RBL2: variants seen among roughly 807,000 people sequenced by gnomAD.
RBL2 encodes the protein RB transcriptional corepressor like 2.
A neutral mutation model predicts 126.0 loss-of-function variants in RBL2; 56 were observed. That is an observed-to-expected ratio of 0.44 (90% CI 0.36 to 0.56). The LOEUF is 0.56. RBL2 is among the 20% of genes least tolerant of loss of function. The pLI is 0.00. For synonymous variants in RBL2, 454 were observed against 478.5 expected, an observed-to-expected ratio of 0.95 and a Z score of 0.67; for missense variants, 1,229 against 1,398.2, an observed-to-expected ratio of 0.88 and a Z score of 1.93.
intron 5 of RBL2, among the ~76,000 whole-genome samples, chr16:53,452,899 G>A (rs914313923): frequency 2.0e-5 from 3 of 152,018 alleles, no homozygotes; most frequent in African/African-American, 7.2e-5. Context: ...CAAACTCCTG[G>A]ACTCAAGCGA....
At chr16:53,450,096 A>G (rs545310183) in intron 4 of RBL2, among the ~76,000 whole-genome samples, 4 of 151,946 alleles carry the variant, frequency 2.6e-5, no homozygotes, top group African/African-American at 9.6e-5. Flanking sequence ...AACCAAGTAT[A>G]TTTTAATATT....
intron 20 of RBL2, 193 bp from the exon 21 acceptor site, chr16:53,481,475 AAAT>A (rs1960943288): frequency 1.9e-6 from 1 of 522,978 alleles, no homozygotes; most frequent in Non-Finnish European, 3.3e-6. Flanking sequence ...AAATTGCTTA[AAAT>A]AATAACTGGC....
At chr16:53,443,988 C>T (rs1004573613) in intron 3 of RBL2, among the ~76,000 whole-genome samples, 1 of 152,198 alleles carries the variant, frequency 6.6e-6, no homozygotes, top group African/African-American at 2.4e-5. Flanking sequence ...TTGGCTCACG[C>T]CTGTAATCCC....
At chr16:53,451,949 C>T in intron 5 of RBL2, 118 bp downstream of exon 5, 1 of 1,159,950 alleles carries the variant, frequency 8.6e-7, no homozygotes, top group Non-Finnish European at 1.2e-6. Flanking sequence ...TTACGGCTAT[C>T]CAGGGTACTT....
intron 14 of RBL2, among the ~76,000 whole-genome samples, chr16:53,468,166 G>C (rs1598115360): frequency 6.6e-6 from 1 of 152,178 alleles, no homozygotes; most frequent in Non-Finnish European, 1.5e-5. Context: ...CCAATTAAAA[G>C]AATATTCTTA....
At chr16:53,442,419 C>T (rs1319259778) in intron 2 of RBL2, among the ~76,000 whole-genome samples, 3 of 152,122 alleles carry the variant, frequency 2.0e-5, no homozygotes, top group Admixed American at 2.0e-4. Context: ...TTTGTATTTT[C>T]AAATATTTCA....
chr16:53,451,061 G>A (rs1334018542), intron 4 of RBL2, among the ~76,000 whole-genome samples: 8 of 152,132 alleles, frequency 5.3e-5, no homozygotes, highest in Non-Finnish European at 2.9e-5. Flanking sequence ...CTTACAGTTT[G>A]AGATAATTTA....
chr16:53,438,345 G>T (rs762863662), intron 1 of RBL2, among the ~76,000 whole-genome samples: 23 of 152,176 alleles, frequency 1.5e-4, no homozygotes, highest in Non-Finnish European at 2.5e-4. Flanking sequence ...TCAGGACTCC[G>T]AAGGCACATG....
At chr16:53,444,439 G>A (rs975772253) in intron 3 of RBL2, among the ~76,000 whole-genome samples, 2 of 151,912 alleles carry the variant, frequency 1.3e-5, no homozygotes, top group Non-Finnish European at 2.9e-5. Flanking sequence ...TGTAATCCCA[G>A]CTACTTGGGA....
chr16:53,449,988 G>T (rs1484363727), intron 4 of RBL2, among the ~76,000 whole-genome samples: 1 of 139,784 alleles, frequency 7.2e-6, no homozygotes, highest in African/African-American at 2.7e-5. Context: ...GCCTTCTATG[G>T]CAAGTGCACA....
chr16:53,442,569 C>A, intron 2 of RBL2, 89 bp from the exon 3 acceptor site: 1 of 937,128 alleles, frequency 1.1e-6, no homozygotes, highest in Non-Finnish European at 1.6e-6. Flanking sequence ...TAATTTAATG[C>A]GATAATATTG....
chr16:53,477,451 C>A (rs1431120993), intron 17 of RBL2, among the ~76,000 whole-genome samples: 1 of 152,166 alleles, frequency 6.6e-6, no homozygotes, highest in African/African-American at 2.4e-5. Flanking sequence ...GATCCTTCTG[C>A]CTCAGCCTCC....
Position 53,450,871 on chromosome 16 carries a change from A to G in RBL2, c.638-832A>G, listed in dbSNP as rs192419105. Among the ~76,000 whole-genome samples, 618 of 152,230 alleles carry G rather than the reference A, an allele frequency of 4.1e-3. 7 individuals are homozygous for G. The highest frequency in any genetic ancestry group is 0.014 in the African/African-American group (564 of 41,542). ...GTATGAGAAATAGCATGAACTCAGG[A>G]GGCAGAGCTTGCAGTGAGCTGAGAT... On this transcript the variant is annotated intron_variant, in intron 4 of 21. Coordinates refer to ENST00000262133, the MANE Select transcript of RBL2 (RefSeq NM_005611.4).
intron 9 of RBL2, among the ~76,000 whole-genome samples, chr16:53,459,836 A>C (rs545771921): frequency 6.6e-6 from 1 of 152,232 alleles, no homozygotes; most frequent in Admixed American, 6.5e-5. Flanking sequence ...CACAGTAACT[A>C]ATAACACCAG....
chr16:53,473,368 ATGCTTT>A (rs1960596423), intron 17 of RBL2, among the ~76,000 whole-genome samples: 1 of 151,796 alleles, frequency 6.6e-6, no homozygotes. Context: ...TTTTTCAACA[ATGCTTT>A]GTACTTTTCA....
At chr16:53,467,805 C>T (rs1367252904) in intron 14 of RBL2, among the ~76,000 whole-genome samples, 1 of 152,114 alleles carries the variant, frequency 6.6e-6, no homozygotes, top group Non-Finnish European at 1.5e-5. Context: ...GATAGAATTC[C>T]TGGTGATTTC....
intron 4 of RBL2, chr16:53,449,301 T>C (rs979743179): frequency 5.9e-5 from 9 of 152,212 alleles, no homozygotes; most frequent in Admixed American, 2.6e-4. Flanking sequence ...ATATATAATA[T>C]GTACAATACA....
chr16:53,483,823 G>A (rs1320247681), intron 21 of RBL2, among the ~76,000 whole-genome samples: 1 of 151,796 alleles, frequency 6.6e-6, no homozygotes, highest in Non-Finnish European at 1.5e-5. Context: ...TTTGCAGTGA[G>A]CTGAGATCGT....
chr16:53,453,797 A>G, intron 7 of RBL2, 28 bp downstream of exon 7: 3 of 1,522,606 alleles, frequency 2.0e-6, no homozygotes, highest in East Asian at 2.3e-5. Flanking sequence ...AAATGTTTTA[A>G]TATTTTAAAT....
Sources: gnomAD v4.1 joint callset for allele counts (sites outside exome capture counted in the v4.1 genomes callset) on GRCh38, gnomAD v4.1.1 for gene constraint, MANE v1.5 for transcripts, NCBI Gene and HGNC (gene_info 2026-07-23, HGNC 2026-07-21) for gene names.